Variants in TLE1 observed in about 807,000 individuals in gnomAD.
The protein encoded by TLE1 is TLE family member 1, transcriptional corepressor, also known as transducin-like enhancer protein 1.
In TLE1, 21 loss-of-function variants were observed where a neutral mutation model predicts 89.8. The ratio of observed to expected loss-of-function variants is 0.23; its 90% CI spans 0.17 to 0.34. The LOEUF (loss-of-function observed/expected upper bound fraction) is 0.34. Ranked by LOEUF, TLE1 falls within the 10% of genes least tolerant of loss-of-function variation. The pLI, the probability that TLE1 is intolerant of heterozygous loss-of-function variation, is 1.00. For synonymous variants in TLE1, 447 were observed against 407.6 expected (o/e 1.10, Z -1.16); for missense variants, 795 against 1,031.2 (o/e 0.77, Z 3.14).
At chr9:81,611,295 C>T (rs973181687) in intron 13 of TLE1, among the ~76,000 whole-genome samples, 25 of 152,188 alleles carry the variant, frequency 1.6e-4, no homozygotes, top group African/African-American at 5.8e-4. Context: ...ATATATAAGT[C>T]ATGCTATTGG....
At chr9:81,687,010 A>G (rs1834370968) in intron 2 of TLE1, among the ~76,000 whole-genome samples, 1 of 152,206 alleles carries the variant, frequency 6.6e-6, no homozygotes, top group African/African-American at 2.4e-5. Flanking sequence ...CGATTGAACC[A>G]ATGTTTCAGC....
At chr9:81,585,129 C>T (rs1488713939) in intron 18 of TLE1, among the ~76,000 whole-genome samples, 4 of 152,098 alleles carry the variant, frequency 2.6e-5, no homozygotes, top group African/African-American at 9.7e-5. Flanking sequence ...ACCTAAATAT[C>T]GACTTCTCTA....
rs758343028 is a variant in TLE1 at position 81,593,082 on chromosome 9, C to A, written c.1524G>T (p.Lys508Asn). ...HVYTGGKGCV[K>N]VWDISHPGNK... ...TGCCAGGGTGGCTGATGTCCCAGAC[C>A]TTGACGCAGCCCTTCCCGCCTGTGT... Residue 508 changes from lysine (K) to asparagine (N), a missense_variant, in exon 15 of 20, where the codon AAG becomes AAT. Around this residue, in one of 4 missense-constraint regions of TLE1, gnomAD observed 214 missense variants for 354.9 expected, o/e 0.60. Coordinates refer to ENST00000376499, the MANE Select transcript of TLE1 (RefSeq NM_005077.5). 3.7e-5 allele frequency: 59 copies of A among 1,614,042 alleles called. No homozygotes were observed. Among genetic ancestry groups the A allele is most frequent in the Non-Finnish European group, 4.8e-5 (57 of 1,180,040 alleles).
intron 14 of TLE1, among the ~76,000 whole-genome samples, chr9:81,598,154 T>A (rs184904143): frequency 1.6e-4 from 24 of 152,276 alleles, no homozygotes; most frequent in African/African-American, 5.5e-4. Context: ...AAAACCTTCA[T>A]TCGCTCTTCA....
At chr9:81,609,460 G>A (rs1001641443) in intron 14 of TLE1, among the ~76,000 whole-genome samples, 3 of 152,170 alleles carry the variant, frequency 2.0e-5, no homozygotes, top group Non-Finnish European at 4.4e-5. Context: ...CAATTCTGCT[G>A]TTTAAAAAAT....
chr9:81,639,795 G>A (rs2132446111), intron 6 of TLE1, among the ~76,000 whole-genome samples: 1 of 152,050 alleles, frequency 6.6e-6, no homozygotes, highest in Admixed American at 6.5e-5. Context: ...TGTTGGCCAG[G>A]CTAGTCTCGA....
At chr9:81,642,900 GA>G (rs762503461) in intron 6 of TLE1, among the ~76,000 whole-genome samples, 1 of 152,172 alleles carries the variant, frequency 6.6e-6, no homozygotes, top group Non-Finnish European at 1.5e-5. Flanking sequence ...ATTCAGCCTT[GA>G]AAAAGAAGAA....
intron 4 of TLE1, among the ~76,000 whole-genome samples, chr9:81,655,957 C>T (rs889328331): frequency 1.3e-5 from 2 of 151,938 alleles, no homozygotes; most frequent in African/African-American, 4.8e-5. Flanking sequence ...TCTGAATTAA[C>T]TAAGCAAAGT....
rs148060117 is a variant in TLE1, at chr9:81,678,358, T to C, written c.234+7318A>G. 6.0e-3 allele frequency among the ~76,000 whole-genome samples: 866 copies of C among 144,792 alleles called. 12 individuals carry two copies. Among genetic ancestry groups the C allele is most frequent in the African/African-American group, 0.02 (798 of 39,224 alleles). 95.0% of individuals were successfully genotyped at this position (144,792 alleles called of 152,430 possible). A position where few individuals can be genotyped will look rare whatever the true frequency, so the allele number is the denominator to read the frequency against. On this transcript the variant is annotated intron_variant, in intron 4 of 19. Coordinates refer to ENST00000376499, the MANE Select transcript of TLE1 (RefSeq NM_005077.5). ...CACTAGTACTAGCTAGTACTACAGG[T>C]CTGTACCACCAGGCCCAATTAATTT...
At chr9:81,629,303 TTAA>T (rs1826283425) in intron 8 of TLE1, among the ~76,000 whole-genome samples, 1 of 110,242 alleles carries the variant, frequency 9.1e-6, no homozygotes, top group African/African-American at 3.6e-5. Context: ...TATCCTTAAA[TTAA>T]TTAAAATATC....
intron 6 of TLE1, among the ~76,000 whole-genome samples, chr9:81,651,133 A>G (rs1829476719): frequency 6.6e-6 from 1 of 152,218 alleles, no homozygotes; most frequent in African/African-American, 2.4e-5. Context: ...ATGTCTAATT[A>G]TCATTACAAA....
chr9:81,687,961 G>A (rs1430492036), intron 1 of TLE1, among the ~76,000 whole-genome samples: 4 of 152,124 alleles, frequency 2.6e-5, no homozygotes, highest in Admixed American at 6.5e-5. Flanking sequence ...CTGCAGGAGA[G>A]AAACCCCAGC....
At chr9:81,680,197 C>T (rs576778451) in intron 4 of TLE1, among the ~76,000 whole-genome samples, 4 of 152,116 alleles carry the variant, frequency 2.6e-5, no homozygotes, top group Non-Finnish European at 5.9e-5. Context: ...AGCCAGGGAA[C>T]GTGTTCATGA....
chr9:81,622,151 G>A (rs373671075), intron 8 of TLE1, among the ~76,000 whole-genome samples: 6 of 152,184 alleles, frequency 3.9e-5, no homozygotes, highest in African/African-American at 1.4e-4. Context: ...AAGCTGGGCC[G>A]GGGCAGCAGC....
At chr9:81,606,597 T>C (rs1251789946) in intron 14 of TLE1, among the ~76,000 whole-genome samples, 1 of 151,650 alleles carries the variant, frequency 6.6e-6, no homozygotes, top group Non-Finnish European at 1.5e-5. Flanking sequence ...TGGACACAGG[T>C]GGGGAACATC....
In TLE1 at chr9:81,583,896, C is replaced by G. The variant is rs1258417385; in HGVS notation, c.*302G>C. 5.8e-6 allele frequency: 2 copies of G among 344,528 alleles called. No individual in the cohort carries two copies. The highest frequency in any genetic ancestry group is 1.1e-5 in the Non-Finnish European group (2 of 184,300). The allele number at this position is 344,528 out of a possible 1,614,324, so 21.3% of individuals were successfully genotyped here. A position where few individuals can be genotyped will look rare whatever the true frequency, so the allele number is the denominator to read the frequency against. The stretch of plus-strand genomic sequence containing the variant: ...TCACACTTGGGCAAGGCGTGATCCC[C>G]AGATCACCCAGAAAGAAAGAATGGG... On this transcript the variant is annotated 3_prime_UTR_variant, in exon 20 of 20. Transcript: ENST00000376499.
chr9:81,590,701 A>G (rs903912656), intron 16 of TLE1, 104 bp downstream of exon 16: 2 of 1,521,940 alleles, frequency 1.3e-6, no homozygotes, highest in African/African-American at 1.4e-5. Context: ...CTGGCATTCA[A>G]GAGGCTCTTA....
chr9:81,689,406 G>C lies in TLE1; in HGVS notation c.-1166C>G. The C allele has an allele frequency of 6.5e-6, 1 of 152,864 alleles. No homozygotes were observed. The allele number at this position is 152,864 out of a possible 1,614,324, so 9.5% of individuals were successfully genotyped here. On this transcript the variant is annotated 5_prime_UTR_variant, in exon 1 of 20. Coordinates refer to ENST00000376499, the MANE Select transcript of TLE1 (RefSeq NM_005077.5). The stretch of plus-strand genomic sequence containing the variant: ...CGGGCTGGTGGCGCGGGTCCCGCCC[G>C]GCCGTGCGAGGGTGGGGTGGCGCAG...
At chr9:81,643,558 CAG>C (rs1828440254) in intron 6 of TLE1, among the ~76,000 whole-genome samples, 1 of 151,820 alleles carries the variant, frequency 6.6e-6, no homozygotes, top group African/African-American at 2.4e-5. Context: ...TTCTTAGAGA[CAG>C]GGTCTCATTT....
Sources: allele counts gnomAD v4.1 joint callset (sites outside exome capture counted in the v4.1 genomes callset), GRCh38; gene constraint gnomAD v4.1.1; regional missense constraint gnomAD v4.1.1; transcripts MANE v1.5; gene names NCBI Gene and HGNC (gene_info 2026-07-23, HGNC 2026-07-21).